The following NSMCE2 variants were observed in gnomAD, a reference collection of about 807,000 sequenced individuals.
NSMCE2 encodes the protein E3 SUMO-protein ligase NSE2.
A neutral mutation model predicts 23.8 loss-of-function variants in NSMCE2; 24 were observed. The ratio of observed to expected loss-of-function variants is 1.01; its 90% confidence interval spans 0.73 to 1.42. NSMCE2 has a LOEUF of 1.42. NSMCE2 is among the 40% of genes most tolerant of loss of function. The pLI is 0.00. For missense variants in NSMCE2, 284 were observed against 296.5 expected (o/e 0.96, Z 0.31); for synonymous variants, 92 against 94.1 (o/e 0.98, Z 0.13).
intron 5 of NSMCE2, among the ~76,000 whole-genome samples, chr8:125,253,022 A>G (rs1051135947): frequency 6.6e-6 from 1 of 152,228 alleles, no homozygotes; most frequent in African/African-American, 2.4e-5. Flanking sequence ...TAGTACATGT[A>G]AAGTACTTAG....
chr8:125,144,720 T>C (rs1305851659), intron 3 of NSMCE2, among the ~76,000 whole-genome samples: 1 of 152,202 alleles, frequency 6.6e-6, no homozygotes, highest in African/African-American at 2.4e-5. Flanking sequence ...CAACCAGCCT[T>C]GCTTTCATTC....
chr8:125,210,825 A>G (rs1824301776), intron 5 of NSMCE2, among the ~76,000 whole-genome samples: 1 of 152,022 alleles, frequency 6.6e-6, no homozygotes, highest in African/African-American at 2.4e-5. Flanking sequence ...GGTTCAAGCG[A>G]TTCTTATGCC....
At chr8:125,344,369 A>G (rs542752785) in intron 5 of NSMCE2, among the ~76,000 whole-genome samples, 36 of 152,318 alleles carry the variant, frequency 2.4e-4, no homozygotes, top group African/African-American at 8.7e-4. Context: ...GCAAATATGC[A>G]GTAGTTATGT....
chr8:125,213,397 T>G (rs1824429582), intron 5 of NSMCE2, among the ~76,000 whole-genome samples: 1 of 152,096 alleles, frequency 6.6e-6, no homozygotes, highest in Non-Finnish European at 1.5e-5. Context: ...TGCCTAAGCT[T>G]CTTTGTTACT....
At chr8:125,335,974 C>T (rs1830053719) in intron 5 of NSMCE2, among the ~76,000 whole-genome samples, 1 of 152,090 alleles carries the variant, frequency 6.6e-6, no homozygotes, top group Non-Finnish European at 1.5e-5. Flanking sequence ...GACACTGTAG[C>T]ATGGAAGTGA....
chr8:125,093,266 G>A (rs1817763533), intron 1 of NSMCE2, among the ~76,000 whole-genome samples: 1 of 152,132 alleles, frequency 6.6e-6, no homozygotes, highest in Non-Finnish European at 1.5e-5. Flanking sequence ...ATGAAAGTGG[G>A]CCTCATCACC....
intron 3 of NSMCE2, among the ~76,000 whole-genome samples, chr8:125,123,403 C>T (rs1457089175): frequency 6.6e-6 from 1 of 152,212 alleles, no homozygotes; most frequent in Non-Finnish European, 1.5e-5. Context: ...ATGGAGATAT[C>T]ACTCAACAAA....
At chr8:125,252,725 GCTTATCCATTT>G (rs1333378781) in intron 5 of NSMCE2, among the ~76,000 whole-genome samples, 1 of 152,170 alleles carries the variant, frequency 6.6e-6, no homozygotes, top group African/African-American at 2.4e-5. Flanking sequence ...AATCAATCAT[GCTTATCCATTT>G]CTAAATTATT....
At chr8:125,204,845 C>T (rs1417232149) in intron 5 of NSMCE2, among the ~76,000 whole-genome samples, 1 of 152,166 alleles carries the variant, frequency 6.6e-6, no homozygotes, top group East Asian at 1.9e-4. Context: ...TGCTGTCAGC[C>T]TCCTATATGC....
intron 3 of NSMCE2, among the ~76,000 whole-genome samples, chr8:125,132,584 C>T (rs774662175): frequency 5.1e-4 from 78 of 152,094 alleles, no homozygotes; most frequent in Non-Finnish European, 1.1e-3. Flanking sequence ...CCTCCACCTC[C>T]TCAGGCTTAA....
At chr8:125,210,287 A>G (rs1038650946) in intron 5 of NSMCE2, among the ~76,000 whole-genome samples, 5 of 152,242 alleles carry the variant, frequency 3.3e-5, no homozygotes, top group Non-Finnish European at 7.3e-5. Flanking sequence ...CATTACTGTC[A>G]TTATTACTAC....
At chr8:125,200,760 AAG>A (rs1823835779) in intron 5 of NSMCE2, among the ~76,000 whole-genome samples, 2 of 152,144 alleles carry the variant, frequency 1.3e-5, no homozygotes, top group South Asian at 2.1e-4. Flanking sequence ...TAATATCCTG[AAG>A]AGTTTTTTCC....
chr8:125,102,402 C>T lies in NSMCE2; in HGVS notation c.72C>T (p.Leu24=). ...FISFSGVESA[L]SSLKNFQACI... is the part of the protein sequence containing the mutation. ...CCTTCAGTGGTGTAGAGTCTGCTCT[C>T]TCCTCCTTGAAAAACTTCCAAGCCT... Residue 24 remains leucine, a synonymous_variant, in exon 3 of 8, where the codon CTC becomes CTT. Coordinates refer to ENST00000287437, the MANE Select transcript of NSMCE2 (RefSeq NM_173685.4). 1.9e-6 allele frequency: 3 copies of T among 1,613,134 alleles called. No individual in the cohort carries two copies. The South Asian group carries it at 3.3e-5, about 18-fold the overall frequency.
intron 4 of NSMCE2, among the ~76,000 whole-genome samples, chr8:125,172,887 C>T (rs1191851218): frequency 6.6e-6 from 1 of 152,156 alleles, no homozygotes; most frequent in Non-Finnish European, 1.5e-5. Context: ...AGATTTTTAT[C>T]TGACTGACGT....
intron 5 of NSMCE2, among the ~76,000 whole-genome samples, chr8:125,301,965 AT>A (rs568309394): frequency 3.4e-4 from 48 of 143,226 alleles, no homozygotes; most frequent in Non-Finnish European, 2.3e-4. Flanking sequence ...ACCTGCCCCA[AT>A]TTTTTTTTTT....
At chr8:125,321,086 T>TC (rs1295430089) in intron 5 of NSMCE2, among the ~76,000 whole-genome samples, 1 of 152,068 alleles carries the variant, frequency 6.6e-6, no homozygotes, top group Non-Finnish European at 1.5e-5. Context: ...GCCCCCATGA[T>TC]CCAGTCACCT....
chr8:125,255,848 C>A (rs574975507), intron 5 of NSMCE2, among the ~76,000 whole-genome samples: 11 of 152,110 alleles, frequency 7.2e-5, no homozygotes, highest in Non-Finnish European at 1.6e-4. Flanking sequence ...AATTCTGAAG[C>A]ATGAAGACCA....
intron 5 of NSMCE2, among the ~76,000 whole-genome samples, chr8:125,183,306 T>G (rs1481432120): frequency 6.6e-6 from 1 of 152,200 alleles, no homozygotes; most frequent in Non-Finnish European, 1.5e-5. Flanking sequence ...TACAAATAAC[T>G]TAAGTTTCAC....
intron 5 of NSMCE2, among the ~76,000 whole-genome samples, chr8:125,194,437 T>A (rs1823510758): frequency 6.6e-6 from 1 of 152,212 alleles, no homozygotes; most frequent in South Asian, 2.1e-4. Flanking sequence ...TTTGTTGCAT[T>A]CTATTGCTGA....
Sources: gnomAD v4.1 joint callset for allele counts (sites outside exome capture counted in the v4.1 genomes callset) on GRCh38, gnomAD v4.1.1 for gene constraint, MANE v1.5 for transcripts, NCBI Gene and HGNC (gene_info 2026-07-23, HGNC 2026-07-21) for gene names.